CCDC148: variants seen among roughly 807,000 people sequenced by gnomAD.
CCDC148 encodes coiled-coil domain-containing protein 148.
Under a neutral mutation model 85.7 loss-of-function variants are expected in CCDC148, and 89 were observed. That is an observed-to-expected ratio of 1.04 (90% confidence interval 0.87 to 1.24). The LOEUF (loss-of-function observed/expected upper bound fraction) is 1.24. Among genes scored for constraint, CCDC148 ranks in the 50% most tolerant of loss-of-function variants. The probability of loss-of-function intolerance (pLI) is 0.00; values close to 1 mark genes in which losing one functional copy is unlikely to be tolerated. For missense variants in CCDC148, 692 were observed against 671.7 expected (o/e 1.03, Z -0.33); for synonymous variants, 230 against 213.9 (o/e 1.08, Z -0.66).
intron 7 of CCDC148, among the ~76,000 whole-genome samples, chr2:158,325,643 C>T (rs564950364): frequency 6.6e-6 from 1 of 152,254 alleles, no homozygotes; most frequent in East Asian, 1.9e-4. Flanking sequence ...TACACAGATA[C>T]CTAATGGCAT....
intron 1 of CCDC148, among the ~76,000 whole-genome samples, chr2:158,372,660 C>G (rs1684496113): frequency 6.6e-6 from 1 of 151,982 alleles, no homozygotes; most frequent in South Asian, 2.1e-4. Context: ...CTTCCATATC[C>G]TATATGTAGA....
At chr2:158,249,495 T>C (rs908972544) in intron 10 of CCDC148, among the ~76,000 whole-genome samples, 4 of 152,178 alleles carry the variant, frequency 2.6e-5, no homozygotes, top group African/African-American at 9.6e-5. Context: ...AACCACCCTA[T>C]TTACTTCCTT....
At chr2:158,312,599 C>CA (rs1182789527) in intron 8 of CCDC148, among the ~76,000 whole-genome samples, 1 of 135,476 alleles carries the variant, frequency 7.4e-6, no homozygotes, top group East Asian at 2.2e-4. Flanking sequence ...AAAAAAAAAC[C>CA]AAAAAACAAA....
chr2:158,197,249 T>C (rs996574489), intron 11 of CCDC148, among the ~76,000 whole-genome samples: 2 of 152,080 alleles, frequency 1.3e-5, no homozygotes, highest in Non-Finnish European at 2.9e-5. Context: ...ATCTGAAGGT[T>C]TTATTTCTCC....
At chr2:158,410,275 G>T (rs1289926469) in intron 1 of CCDC148, among the ~76,000 whole-genome samples, 1 of 152,144 alleles carries the variant, frequency 6.6e-6, no homozygotes, top group African/African-American at 2.4e-5. Flanking sequence ...TTGGAGACAA[G>T]ATATTGCTAG....
In CCDC148 at chr2:158,411,382, G is replaced by A. The variant is rs143469579; in HGVS notation, c.25+45033C>T. Among the ~76,000 whole-genome samples the A allele has an allele frequency of 5.1e-3, 767 of 151,726 alleles. 3 individuals are homozygous for A. Among genetic ancestry groups the A allele is most frequent in the African/African-American group, 0.017 (716 of 41,394 alleles). ...CTGAAGGCTTATTTCACTCTTTCTC[G>A]TTTTTTCTTTTACTTCTCTGACTAA... On this transcript the variant is annotated intron_variant, in intron 1 of 13. Coordinates refer to ENST00000283233, the MANE Select transcript of CCDC148 (RefSeq NM_138803.4).
intron 11 of CCDC148, among the ~76,000 whole-genome samples, chr2:158,213,057 C>T (rs1162323553): frequency 6.6e-6 from 1 of 152,136 alleles, no homozygotes; most frequent in Non-Finnish European, 1.5e-5. Flanking sequence ...GAATTTTCCC[C>T]AGAGATATGA....
intron 11 of CCDC148, among the ~76,000 whole-genome samples, chr2:158,187,169 C>T (rs561411453): frequency 5.3e-5 from 8 of 152,030 alleles, no homozygotes; most frequent in Non-Finnish European, 7.4e-5. Flanking sequence ...TATGCTTTGC[C>T]GCTTCCAACC....
chr2:158,178,151 C>A (rs1273349639), intron 12 of CCDC148: 2 of 152,048 alleles, frequency 1.3e-5, no homozygotes, highest in Non-Finnish European at 2.9e-5. Flanking sequence ...TGGAAGGACA[C>A]CAGAGGCCAA....
In CCDC148 at chr2:158,353,327, A is replaced by G. The variant is rs1220206317; in HGVS notation, c.147+5122T>C. 2.7e-5 allele frequency among the ~76,000 whole-genome samples: 4 copies of G among 147,632 alleles called. No homozygotes were observed. In the South Asian group the frequency reaches 6.6e-4, roughly 24 times the overall value. ...ACCCATCAGTGTGCTGTATTCAGGA[A>G]ACCCATCTCACGTGCAGACACACAC... On this transcript the variant is annotated intron_variant, in intron 2 of 13. Transcript: ENST00000283233.
At chr2:158,282,012 A>G (rs574875831) in intron 9 of CCDC148, among the ~76,000 whole-genome samples, 2 of 151,990 alleles carry the variant, frequency 1.3e-5, no homozygotes, top group Admixed American at 1.3e-4. Flanking sequence ...TATAAACAGA[A>G]CAAAAGACAA....
intron 9 of CCDC148, among the ~76,000 whole-genome samples, chr2:158,288,206 C>T (rs563472017): frequency 6.6e-6 from 1 of 152,316 alleles, no homozygotes. Flanking sequence ...ATGAGATGGG[C>T]TGTTGTGAAG....
At chr2:158,421,512 C>A (rs1686780916) in intron 1 of CCDC148, among the ~76,000 whole-genome samples, 1 of 152,120 alleles carries the variant, frequency 6.6e-6, no homozygotes, top group Non-Finnish European at 1.5e-5. Context: ...GAAATGAAGG[C>A]AGAAATAAAG....
At chr2:158,406,629 T>TTTTTTTTTGTTTTTG (rs1553518854) in intron 1 of CCDC148, among the ~76,000 whole-genome samples, 1 of 117,512 alleles carries the variant, frequency 8.5e-6, no homozygotes, top group East Asian at 2.6e-4. Context: ...TTTTTTTTTT[T>TTTTTTTTTGTTTTTG]TTTTTTTTTT....
chr2:158,271,303 C>T (rs896230627), intron 9 of CCDC148, among the ~76,000 whole-genome samples: 2 of 152,180 alleles, frequency 1.3e-5, no homozygotes, highest in Non-Finnish European at 2.9e-5. Flanking sequence ...TCTATGGTTT[C>T]ACTTTCCACA....
chr2:158,450,538 G>T (rs188415257), intron 1 of CCDC148, among the ~76,000 whole-genome samples: 1 of 152,190 alleles, frequency 6.6e-6, no homozygotes, highest in Non-Finnish European at 1.5e-5. Flanking sequence ...TCCACTTACG[G>T]TAAGTGTCAC....
At chr2:158,386,281 T>C (rs777783825) in intron 1 of CCDC148, among the ~76,000 whole-genome samples, 1 of 152,074 alleles carries the variant, frequency 6.6e-6, no homozygotes, top group Non-Finnish European at 1.5e-5. Context: ...ATTTAGAAAA[T>C]GGAGAAACCA....
chr2:158,339,173 C>A, intron 5 of CCDC148, 88 bp from the exon 6 acceptor site: 1 of 1,028,516 alleles, frequency 9.7e-7, no homozygotes, highest in Non-Finnish European at 1.5e-6. Flanking sequence ...TTCTCAAAAG[C>A]CAATCAGTGA....
chr2:158,456,326 T>G lies in CCDC148; in HGVS notation c.25+89A>C. On this transcript the variant is annotated intron_variant, in intron 1 of 13. Transcript: ENST00000283233. ...AAGATCCACCCCAGGGAAGGGGGAG[T>G]GGCTGCAGAGAACAAACATAAGTAG... 1.5e-5 allele frequency: 20 copies of G among 1,333,890 alleles called. No individual in the cohort carries two copies. In the South Asian group the frequency reaches 2.5e-4, roughly 17 times the overall value. The allele number at this position is 1,333,890 out of a possible 1,614,324, so 82.6% of individuals were successfully genotyped here.
Sources: allele counts gnomAD v4.1 joint callset (sites outside exome capture counted in the v4.1 genomes callset), GRCh38; gene constraint gnomAD v4.1.1; transcripts MANE v1.5; gene names NCBI Gene and HGNC (gene_info 2026-07-23, HGNC 2026-07-21).